PCK2: variants seen among roughly 807,000 people sequenced by gnomAD.
PCK2 encodes phosphoenolpyruvate carboxykinase 2, mitochondrial, also known as phosphoenolpyruvate carboxykinase [GTP], mitochondrial.
In PCK2, 56 loss-of-function variants were observed where a neutral mutation model predicts 65.9. That is an observed-to-expected ratio of 0.85 (90% CI 0.69 to 1.06). The LOEUF is 1.06. PCK2 is among the 50% of genes least tolerant of loss of function. PCK2 has a pLI of 0.00. For missense variants in PCK2, 843 were observed against 863.1 expected (o/e 0.98, Z 0.29); for synonymous variants, 305 against 319.6 (o/e 0.95, Z 0.49).
At position 24,098,600 on chromosome 14, in the gene PCK2, A is replaced by T. The variant is rs147181639; in HGVS notation, c.586A>T (p.Thr196Ser). The change falls in exon 4 of 10, where the codon ACA (threonine) becomes TCA (serine). Residue 196 changes from threonine to serine, a missense_variant. Physicochemically the swap from Thr to Ser is moderately conservative, Grantham distance 58. Transcript: ENST00000216780. ...CATGCGTATTATGACCCGACTGGGG[A>T]CACCTGTGCTTCAGGCCCTGGGAGA... ...ASMRIMTRLG[T>S]PVLQALGDGD... The T allele has an allele frequency of 2.9e-5, 47 of 1,614,060 alleles. No homozygotes were observed. The African/African-American group carries it at 5.1e-4, about 17-fold the overall frequency.
Position 24,098,656 on chromosome 14 carries a change from G to A in PCK2, c.642G>A (p.Val214=). ...ACTTTGTCAAGTGTCTGCACTCCGT[G>A]GGCCAGCCCCTGACAGGACAAGGTA... ...DGDFVKCLHS[V]GQPLTGQGEP... Residue 214 remains valine (V), a synonymous_variant, in exon 4 of 10, where the codon GTG becomes GTA. Transcript: ENST00000216780. 1.2e-6 allele frequency: 2 copies of A among 1,613,878 alleles called. No homozygotes were observed. Among genetic ancestry groups the A allele is most frequent in the East Asian group, 4.5e-5 (2 of 44,876 alleles).
Position 24,097,098 on chromosome 14 carries a change from A to G in PCK2, c.236A>G (p.Gln79Arg). The change falls in exon 2 of 10, where the codon CAG (glutamine) becomes CGG (arginine). Residue 79 changes from glutamine to arginine, a missense_variant. Physicochemically the swap from Gln to Arg is conservative, Grantham distance 43. Transcript: ENST00000216780. ...ENTATLTLLE[Q>R]QGLIRKLPKY... ...ACTGCCACACTGACCCTGCTGGAGC[A>G]GCAGGGCCTCATCCGAAAGCTCCCC... 6.2e-7 allele frequency: 1 copy of G among 1,614,044 alleles called. No homozygotes were observed. The highest frequency in any genetic ancestry group is 1.7e-4 in the Middle Eastern group (1 of 6,060).
intron 7 of PCK2, among the ~76,000 whole-genome samples, chr14:24,102,000 C>A (rs568732808): frequency 6.6e-6 from 1 of 151,932 alleles, no homozygotes; most frequent in Non-Finnish European, 1.5e-5. Context: ...CCAAGGTGGG[C>A]AGATCAGTTA....
chr14:24,103,046 A>C (rs2037227431), intron 8 of PCK2, 114 bp from the exon 9 acceptor site: 37 of 1,193,940 alleles, frequency 3.1e-5, no homozygotes, highest in Non-Finnish European at 4.1e-5. Context: ...AAAGGGTCTG[A>C]AAATGGGATA....
intron 9 of PCK2, 88 bp downstream of exon 9, chr14:24,103,343 C>T: frequency 1.6e-6 from 2 of 1,213,366 alleles, no homozygotes; most frequent in Non-Finnish European, 2.4e-6. Flanking sequence ...CTTTTGTCCA[C>T]CCCTGGAGTC....
At chr14:24,103,086 C>T in intron 8 of PCK2, 74 bp from the exon 9 acceptor site, 1 of 1,299,630 alleles carries the variant, frequency 7.7e-7, no homozygotes, top group Admixed American at 1.8e-5. Context: ...GAGTACCAGT[C>T]AAGCTCACCA....
intron 2 of PCK2, among the ~76,000 whole-genome samples, chr14:24,097,820 C>A (rs969260717): frequency 1.3e-5 from 2 of 152,116 alleles, no homozygotes; most frequent in African/African-American, 4.8e-5. Flanking sequence ...TCTCAAACTC[C>A]TAACCTCAAG....
rs760774917 is a variant in PCK2 at position 24,096,963 on chromosome 14, G to A, written c.101G>A (p.Ser34Asn). ...AGCATCCAGACCCTGCGAGTGCTTA[G>A]TGGAGATCTGGGCCAGCTTCCCACT... ...CRSIQTLRVL[S>N]GDLGQLPTGI... The change falls in exon 2 of 10, where the codon AGT (serine) becomes AAT (asparagine). Residue 34 changes from serine (S) to asparagine (N), a missense_variant. Physicochemically the swap from Ser to Asn is conservative, Grantham distance 46 (BLOSUM62 1). Transcript: ENST00000216780. 2 of 1,613,892 alleles carry A rather than the reference G, an allele frequency of 1.2e-6. No individual in the cohort carries two copies. Among genetic ancestry groups the A allele is most frequent in the Non-Finnish European group, 1.7e-6 (2 of 1,179,874 alleles).
Position 24,094,747 on chromosome 14 carries a change from ATCC to A in PCK2, c.29+318_29+320del. 2 of 1,467,734 alleles carry A rather than the reference ATCC, an allele frequency of 1.4e-6. No individual in the cohort carries two copies. Among genetic ancestry groups the A allele is most frequent in the Non-Finnish European group, 1.8e-6 (2 of 1,103,558 alleles). 90.9% of individuals were successfully genotyped at this position (1,467,734 alleles called of 1,614,324 possible). A position where few individuals can be genotyped will look rare whatever the true frequency, so the allele number is the denominator to read the frequency against. On this transcript the variant is annotated intron_variant, in intron 1 of 9. Coordinates refer to ENST00000216780, the MANE Select transcript of PCK2 (RefSeq NM_004563.4). This position sits in a 1 kb window ranked among gnomAD's most constrained non-coding sequence, Gnocchi z 4.1. The stretch of plus-strand genomic sequence containing the variant: ...TCTCTGCTGAGCCAGGTCTCCGCAT[ATCC>A]TCCTTTCCTTCCCAGATACCTCCCT...
At chr14:24,096,534 C>T (rs2036893356) in intron 1 of PCK2, among the ~76,000 whole-genome samples, 1 of 152,146 alleles carries the variant, frequency 6.6e-6, no homozygotes, top group African/African-American at 2.4e-5. Flanking sequence ...CGTGCCCAGC[C>T]ATCTCCCTAC....
chr14:24,100,236 G>A (rs758217621), intron 7 of PCK2, 23 bp downstream of exon 7: 1 of 1,613,428 alleles, frequency 6.2e-7, no homozygotes, highest in Non-Finnish European at 8.5e-7. Context: ...GGGAAGGTGT[G>A]GCACAGCCTC....
intron 7 of PCK2, chr14:24,100,573 A>ATT: frequency 5.7e-6 from 6 of 1,057,046 alleles, no homozygotes; most frequent in Non-Finnish European, 7.0e-6. Flanking sequence ...TACAGGCTGG[A>ATT]TTTTTTTTTA....
At chr14:24,096,788 G>A (rs2036904379) in intron 1 of PCK2, 104 bp from the exon 2 acceptor site, 4 of 970,344 alleles carry the variant, frequency 4.1e-6, no homozygotes, top group Non-Finnish European at 6.4e-6. Flanking sequence ...CCTGCATGCA[G>A]ACATGTTTTA....
Position 24,098,241 on chromosome 14 carries a change from T to C in PCK2, c.314T>C (p.Val105Ala), listed in dbSNP as rs2036984638. The change falls in exon 3 of 10, where the codon GTA (valine) becomes GCA (alanine). Residue 105 changes from valine (V) to alanine (A), a missense_variant. By Grantham distance (64) the Val-to-Ala change is moderately conservative. Transcript: ENST00000216780. Reference protein sequence around the residue: ...ARTDPKDVARVESKTVIVTPS... With the variant: ...ARTDPKDVARAESKTVIVTPS... ...ACAGACCCCAAGGATGTGGCACGAG[T>C]AGAGAGCAAGACGGTGATTGTAACT... The C allele has an allele frequency of 1.2e-6, 2 of 1,613,224 alleles. No individual in the cohort carries two copies. Among genetic ancestry groups the C allele is most frequent in the African/African-American group, 1.3e-5 (1 of 74,764 alleles).
rs1594310413 is a variant in PCK2, at chr14:24,102,854, A to G, written c.1336A>G (p.Ile446Val). ...PAWEAPEGVP[I>V]DAIIFGGRRP... is the part of the protein sequence containing the mutation. The stretch of plus-strand genomic sequence containing the variant: ...CTGGGAGGCCCCAGAGGGTGTCCCC[A>G]TTGACGCCATCATCTTTGGTGGCCG... The change falls in exon 8 of 10, where the codon ATT becomes GTT. Residue 446 changes from isoleucine (I) to valine (V), a missense_variant. Coordinates refer to ENST00000216780, the MANE Select transcript of PCK2 (RefSeq NM_004563.4). The G allele has an allele frequency of 6.2e-7, 1 of 1,613,794 alleles. No homozygotes were observed. Among genetic ancestry groups the G allele is most frequent in the African/African-American group, 1.3e-5 (1 of 74,926 alleles).
chr14:24,099,409 C>G (rs927557476), intron 5 of PCK2, 149 bp from the exon 6 acceptor site: 1 of 985,890 alleles, frequency 1.0e-6, no homozygotes, highest in African/African-American at 1.6e-5. Context: ...GTTTCCCCTG[C>G]CACTAACCCA....
rs756628023 is a variant in PCK2, at chr14:24,098,253, C to A, written c.326C>A (p.Thr109Lys). The part of the protein sequence containing the change: ...PKDVARVESK[T>K]VIVTPSQRDT... ...GATGTGGCACGAGTAGAGAGCAAGA[C>A]GGTGATTGTAACTCCTTCTCAGCGG... The change falls in exon 3 of 10, where the codon ACG (threonine) becomes AAG (lysine). Residue 109 changes from threonine to lysine, a missense_variant. Coordinates refer to ENST00000216780, the MANE Select transcript of PCK2 (RefSeq NM_004563.4). The A allele has an allele frequency of 1.2e-6, 2 of 1,614,010 alleles. No homozygotes were observed. The highest frequency in any genetic ancestry group is 1.1e-5 in the South Asian group (1 of 91,060).
chr14:24,095,048 T>G (rs1444469892), intron 1 of PCK2: 4 of 448,390 alleles, frequency 8.9e-6, no homozygotes, highest in Non-Finnish European at 1.3e-5. Flanking sequence ...ATAGCTGGCT[T>G]CTTCCTCCGT....
chr14:24,103,294 A>G, intron 9 of PCK2, 39 bp downstream of exon 9: 1 of 1,502,896 alleles, frequency 6.7e-7, no homozygotes, highest in Non-Finnish European at 9.2e-7. Flanking sequence ...CTGTGTGTGC[A>G]CACAGCACGT....
Sources: allele counts gnomAD v4.1 joint callset (sites outside exome capture counted in the v4.1 genomes callset), GRCh38; gene constraint gnomAD v4.1.1; non-coding constraint Gnocchi (gnomAD v3.1); transcripts MANE v1.5; gene names NCBI Gene and HGNC (gene_info 2026-07-23, HGNC 2026-07-21).